Variants in ODF2L observed in about 807,000 individuals in gnomAD.
ODF2L encodes the protein outer dense fiber of sperm tails 2 like.
Under a neutral mutation model 86.3 loss-of-function variants are expected in ODF2L, and 76 were observed. The observed-to-expected ratio is 0.88, with a 90% CI of 0.73 to 1.07. ODF2L has a LOEUF of 1.07. Ranked by LOEUF, ODF2L falls within the 50% of genes least tolerant of loss-of-function variation. The pLI, the probability that ODF2L is intolerant of heterozygous loss-of-function variation, is 0.00. For synonymous variants in ODF2L, 241 were observed against 231.3 expected, an observed-to-expected ratio of 1.04 and a Z score of -0.38; for missense variants, 748 against 717.4, an observed-to-expected ratio of 1.04 and a Z score of -0.49.
intron 4 of ODF2L, among the ~76,000 whole-genome samples, chr1:86,383,937 C>T (rs185192252): frequency 6.6e-6 from 1 of 151,628 alleles, no homozygotes. Flanking sequence ...TTCTAAAACA[C>T]CACGTATATA....
At chr1:86,381,523 A>G (rs952083662) in intron 7 of ODF2L, among the ~76,000 whole-genome samples, 1 of 152,138 alleles carries the variant, frequency 6.6e-6, no homozygotes, top group African/African-American at 2.4e-5. Context: ...GCAAAACCAA[A>G]CAGAAATCTA....
chr1:86,351,839 A>T, exon 18 of ODF2L: 1 of 974,782 alleles, frequency 1.0e-6, no homozygotes, highest in African/African-American at 1.7e-5. Context: ...TAGGTATTTT[A>T]TTCTCTTTGT....
intron 7 of ODF2L, among the ~76,000 whole-genome samples, chr1:86,379,104 C>G (rs942200738): frequency 4.6e-5 from 7 of 152,168 alleles, no homozygotes; most frequent in African/African-American, 1.4e-4. Context: ...TCACTCCCCA[C>G]TTGTCTTCCA....
At chr1:86,367,567 C>A (rs272503) in intron 11 of ODF2L, among the ~76,000 whole-genome samples, 44,057 of 143,004 alleles carry the variant, frequency 0.31, 6,563 homozygotes, top group African/African-American at 0.35. Flanking sequence ...AAAAAAAAAA[C>A]AAAACAACAA....
At chr1:86,373,302 T>TC (rs1411034747) in intron 8 of ODF2L, among the ~76,000 whole-genome samples, 2 of 150,728 alleles carry the variant, frequency 1.3e-5, no homozygotes, top group East Asian at 3.9e-4. Context: ...ATTTTACTTT[T>TC]TTTTTTTTTT....
chr1:86,363,612 TTA>T (rs1436286071), intron 11 of ODF2L, among the ~76,000 whole-genome samples: 1 of 151,996 alleles, frequency 6.6e-6, no homozygotes, highest in African/African-American at 2.4e-5. Flanking sequence ...CTCAAAGAAA[TTA>T]TGTTTTTATT....
chr1:86,389,291 A>G (rs1282261986), intron 1 of ODF2L, among the ~76,000 whole-genome samples: 1 of 152,192 alleles, frequency 6.6e-6, no homozygotes, highest in Non-Finnish European at 1.5e-5. Context: ...TTCTGTATAC[A>G]TGTTTAAGGA....
At chr1:86,365,842 A>T (rs1342231801) in intron 11 of ODF2L, among the ~76,000 whole-genome samples, 1 of 152,184 alleles carries the variant, frequency 6.6e-6, no homozygotes, top group East Asian at 1.9e-4. Context: ...GGATTAATTC[A>T]AAGTCTGTGA....
intron 13 of ODF2L, chr1:86,358,186 G>T: frequency 3.5e-6 from 2 of 575,278 alleles, no homozygotes; most frequent in Non-Finnish European, 4.4e-6. Context: ...GACCTCTGCT[G>T]CCAGGAGTCA....
In ODF2L at chr1:86,352,988, T is replaced by C. The variant is rs1372931368; in HGVS notation, c.1768-4A>G. On this transcript the variant is annotated splice_region_variant and splice_polypyrimidine_tract_variant and intron_variant, in intron 16 of 17. Coordinates refer to ENST00000317336, the Ensembl canonical transcript of ODF2L. The stretch of plus-strand genomic sequence containing the variant: ...TTTTCTCTATTTCTTCAGCAACCTG[T>C]AATTTTTATCAAAAGAGTAAAATAA... 2 of 1,499,140 alleles carry C rather than the reference T, an allele frequency of 1.3e-6. No individual in the cohort carries two copies. The highest frequency in any genetic ancestry group is 1.8e-6 in the Non-Finnish European group (2 of 1,091,832). 92.9% of individuals were successfully genotyped at this position (1,499,140 alleles called of 1,614,324 possible). A position where few individuals can be genotyped will look rare whatever the true frequency, so the allele number is the denominator to read the frequency against.
At chr1:86,355,342 C>T in intron 14 of ODF2L, 1 of 1,526,442 alleles carries the variant, frequency 6.6e-7, no homozygotes, top group Non-Finnish European at 8.9e-7. Flanking sequence ...AAGACACACT[C>T]ACCCATGCCA....
At chr1:86,392,554 C>A (rs1404566790) in intron 1 of ODF2L, among the ~76,000 whole-genome samples, 4 of 152,128 alleles carry the variant, frequency 2.6e-5, no homozygotes, top group Non-Finnish European at 5.9e-5. Context: ...AGTGAAGTAA[C>A]TCAGCAATAA....
At chr1:86,360,323 A>C in intron 12 of ODF2L, 103 bp downstream of exon 11, 3 of 576,544 alleles carry the variant, frequency 5.2e-6, no homozygotes, top group Non-Finnish European at 9.2e-6. Flanking sequence ...ACCCACAATG[A>C]TAGCCCCACC....
intron 1 of ODF2L, among the ~76,000 whole-genome samples, chr1:86,393,569 C>T (rs6683267): frequency 0.33 from 49,867 of 152,102 alleles, 8,398 homozygotes; most frequent in East Asian, 0.53. Context: ...GGGCTGCAGA[C>T]TGGATAATAT....
At chr1:86,356,242 T>A (rs550203032) in intron 14 of ODF2L, among the ~76,000 whole-genome samples, 1 of 152,284 alleles carries the variant, frequency 6.6e-6, no homozygotes, top group African/African-American at 2.4e-5. Flanking sequence ...ATAAGAATTT[T>A]AATTACCAAT....
At chr1:86,377,479 C>T (rs1660257338) in intron 7 of ODF2L, among the ~76,000 whole-genome samples, 1 of 152,210 alleles carries the variant, frequency 6.6e-6, no homozygotes, top group Non-Finnish European at 1.5e-5. Flanking sequence ...TATGTGGGGT[C>T]TCCAACCCCA....
In ODF2L at chr1:86,384,686, T is replaced by C. The variant is rs769658162; in HGVS notation, c.362A>G (p.Asp121Gly). 6.8e-7 allele frequency: 1 copy of C among 1,479,436 alleles called. No individual in the cohort carries two copies. 91.6% of individuals were successfully genotyped at this position (1,479,436 alleles called of 1,614,324 possible). ...GTGTTGATGCCTTACTTGTTTGTAG[T>C]CTCTCTTTCTAAGAAGATGTTCTAA... is the stretch of plus-strand genomic sequence containing the variant. The change falls in exon 4 of 18, where the codon GAC (aspartate) becomes GGC (glycine). Residue 121 changes from aspartate (D) to glycine (G), a missense_variant. Asp to Gly is a moderately conservative substitution (Grantham distance 94). Coordinates refer to ENST00000317336, the Ensembl canonical transcript of ODF2L.
exon 12 of ODF2L, chr1:86,360,459 T>G (rs372782838): frequency 2.0e-5 from 31 of 1,581,714 alleles, no homozygotes; most frequent in East Asian, 1.8e-4. Context: ...GGGTTTTCTG[T>G]TTTTTTTCTA....
chr1:86,373,680 C>A (rs1012725160), intron 8 of ODF2L, among the ~76,000 whole-genome samples: 5 of 151,882 alleles, frequency 3.3e-5, no homozygotes, highest in Admixed American at 2.0e-4. Context: ...GGAGAAAGCC[C>A]CTGTGATATA....
Sources: gnomAD v4.1 joint callset for allele counts (sites outside exome capture counted in the v4.1 genomes callset) on GRCh38, gnomAD v4.1.1 for gene constraint, MANE v1.5 for transcripts, NCBI Gene and HGNC (gene_info 2026-07-23, HGNC 2026-07-21) for gene names.